Variants in DNAH17 observed in about 807,000 individuals in gnomAD.
DNAH17 encodes the protein axonemal beta dynein heavy chain 17.
Under a neutral mutation model 485.6 loss-of-function variants are expected in DNAH17, and 376 were observed. That is an observed-to-expected ratio of 0.77 (90% confidence interval 0.71 to 0.84). The LOEUF (loss-of-function observed/expected upper bound fraction) is 0.84. Ranked by LOEUF, DNAH17 falls within the 40% of genes least tolerant of loss-of-function variation. The probability of loss-of-function intolerance (pLI) is 0.00; values close to 1 mark genes in which losing one functional copy is unlikely to be tolerated. For synonymous variants in DNAH17, 3,031 were observed against 2,405.9 expected, an observed-to-expected ratio of 1.26 and a Z score of -7.60; for missense variants, 6,370 against 5,839.3, an observed-to-expected ratio of 1.09 and a Z score of -2.96.
chr17:78,511,343 G>A lies in DNAH17; in HGVS notation c.4114-837C>T, dbSNP rs2090631312. On this transcript the variant is annotated intron_variant, in intron 26 of 80. Coordinates refer to ENST00000389840, the MANE Select transcript of DNAH17 (RefSeq NM_173628.4). ...GGCTGGTCTCAAACTCCTGAACTCA[G>A]ATGATCCGCCTGCCTCAGCCTCCCA... 2.0e-5 allele frequency among the ~76,000 whole-genome samples: 3 copies of A among 152,226 alleles called. No individual in the cohort carries two copies. In the South Asian group the frequency reaches 6.2e-4, roughly 32 times the overall value.
chr17:78,537,327 C>A lies in DNAH17; in HGVS notation c.2831G>T (p.Arg944Leu), dbSNP rs373189678. 90 of 1,585,144 alleles carry A rather than the reference C, an allele frequency of 5.7e-5. No homozygotes were observed. Among genetic ancestry groups the A allele is most frequent in the Non-Finnish European group, 7.5e-5 (88 of 1,165,942 alleles). Residue 944 changes from arginine (R) to leucine (L), a missense_variant, in exon 19 of 81, where the codon CGG (arginine) becomes CTG (leucine). Coordinates refer to ENST00000389840, the MANE Select transcript of DNAH17 (RefSeq NM_173628.4). ...GTAGTTCATCCTGTCCTTGGCCAGC[C>A]GAGGGATGAGCCTGGCTACGTTGTA... Reference protein sequence around the residue: ...DIYNVARLIPRLAKDRMNYKM... With the variant: ...DIYNVARLIPLLAKDRMNYKM...
At position 78,459,098 on chromosome 17, in the gene DNAH17, T is replaced by G. The variant is rs2087956678; in HGVS notation, c.9764A>C (p.Tyr3255Ser). ...CTGCCTCTTGGGCGCCACGTCGCAG[T>G]AGACCTCGTAGAAGCGGACGATGTT... Reference protein sequence around the residue: ...CINIVRFYEVYCDVAPKRQAL... With the variant: ...CINIVRFYEVSCDVAPKRQAL... The change falls in exon 61 of 81, where the codon TAC becomes TCC. Residue 3255 changes from tyrosine (Y) to serine (S), a missense_variant. By Grantham distance (144) the Tyr-to-Ser change is moderately radical. Transcript: ENST00000389840. 1 of 1,613,886 alleles carries G rather than the reference T, an allele frequency of 6.2e-7. No individual in the cohort carries two copies. Among genetic ancestry groups the G allele is most frequent in the African/African-American group, 1.3e-5 (1 of 74,930 alleles).
intron 56 of DNAH17, among the ~76,000 whole-genome samples, chr17:78,463,804 C>A (rs572551012): frequency 6.6e-6 from 1 of 152,218 alleles, no homozygotes; most frequent in South Asian, 2.1e-4. Context: ...ATTGTCTCAG[C>A]AATGTTAATT....
chr17:78,568,585 C>T (rs971408358), intron 9 of DNAH17, among the ~76,000 whole-genome samples: 2 of 152,160 alleles, frequency 1.3e-5, no homozygotes, highest in Non-Finnish European at 2.9e-5. Context: ...CAGAGAAAAC[C>T]GCCTTGAAGC....
At position 78,455,744 on chromosome 17, in the gene DNAH17, A is replaced by T. The variant is rs1358114205; in HGVS notation, c.10070T>A (p.Leu3357Gln). 6.2e-7 allele frequency: 1 copy of T among 1,612,946 alleles called. No individual in the cohort carries two copies. Among genetic ancestry groups the T allele is most frequent in the African/African-American group, 1.3e-5 (1 of 74,900 alleles). ...SQGVTLCGDV[L>Q]LISAFVSYVG... ...GTAGGACACGAAGGCAGAGATGAGC[A>T]GGACGTCCCCACACAGCGTGACCCC... Residue 3357 changes from leucine to glutamine, a missense_variant, in exon 63 of 81, where the codon CTG becomes CAG. By Grantham distance (113) the Leu-to-Gln change is moderately radical. Coordinates refer to ENST00000389840, the MANE Select transcript of DNAH17 (RefSeq NM_173628.4).
In DNAH17 at chr17:78,543,872, G is replaced by A. The variant is rs147652188; in HGVS notation, c.2517C>T (p.Ile839=). The change falls in exon 17 of 81, where the codon ATC becomes ATT. Residue 839 remains isoleucine, a synonymous_variant. Transcript: ENST00000389840. ...GTTTCCTTACTGCAACCATGGCTTG[G>A]ATCTTCACTCCAGCATCCCTGACTG... ...YAAVRDAGVK[I]QAMVAENAEL... is the part of the protein sequence containing the mutation. The A allele has an allele frequency of 8.7e-5, 140 of 1,614,026 alleles. 1 individual carries two copies. In the African/African-American group the frequency reaches 1.7e-3, roughly 19 times the overall value.
chr17:78,459,743 T>G, intron 60 of DNAH17, 41 bp downstream of exon 60: 1 of 1,609,328 alleles, frequency 6.2e-7, no homozygotes, highest in African/African-American at 1.3e-5. Context: ...TGATGGAGAA[T>G]CGGAGGGAAG....
At chr17:78,494,522 C>T (rs2089993951) in intron 40 of DNAH17, 71 bp downstream of exon 40, 2 of 1,509,452 alleles carry the variant, frequency 1.3e-6, no homozygotes, top group Middle Eastern at 1.7e-4. Flanking sequence ...TCCACCCGTC[C>T]AACATCAGTG....
intron 2 of DNAH17, 136 bp downstream of exon 2, chr17:78,574,577 G>A (rs529933688): frequency 6.0e-5 from 44 of 728,422 alleles, no homozygotes; most frequent in African/African-American, 3.2e-4. Context: ...GGGCCCGAGC[G>A]CCTGCATTTC....
At position 78,445,370 on chromosome 17, in the gene DNAH17, G is replaced by A. The variant is rs907620150; in HGVS notation, c.11334+188C>T. 3.9e-5 allele frequency among the ~76,000 whole-genome samples: 6 copies of A among 152,276 alleles called. No individual in the cohort carries two copies. The East Asian group carries it at 7.7e-4, about 20-fold the overall frequency. On this transcript the variant is annotated intron_variant, in intron 70 of 80. Coordinates refer to ENST00000389840, the MANE Select transcript of DNAH17 (RefSeq NM_173628.4). ...CACATGTCACATTCCCTATAGGAACGCAGAGCTATCTGTGAGCTGGCAGCC... is the reference window on the plus strand; with the variant it reads ...CACATGTCACATTCCCTATAGGAACACAGAGCTATCTGTGAGCTGGCAGCC...
intron 63 of DNAH17, 28 bp from the exon 64 acceptor site, chr17:78,454,733 G>A (rs753897544): frequency 3.8e-6 from 6 of 1,579,050 alleles, no homozygotes; most frequent in East Asian, 2.2e-5. Context: ...CTTTCTTAGA[G>A]GGGGTAATGC....
At chr17:78,428,478 A>G in intron 77 of DNAH17, 47 bp downstream of exon 77, 2 of 1,552,822 alleles carry the variant, frequency 1.3e-6, no homozygotes, top group Non-Finnish European at 1.7e-6. Flanking sequence ...CCTCAGTTCT[A>G]GATCCTCCCC....
intron 71 of DNAH17, among the ~76,000 whole-genome samples, chr17:78,443,481 G>A (rs551188412): frequency 9.2e-5 from 14 of 152,304 alleles, no homozygotes; most frequent in African/African-American, 3.4e-4. Context: ...TCCTATCGGA[G>A]GAAAACAAGG....
Position 78,455,491 on chromosome 17 carries a change from AT to A in DNAH17, c.10170+152del, listed in dbSNP as rs931320454. On this transcript the variant is annotated intron_variant, in intron 63 of 80. Coordinates refer to ENST00000389840, the MANE Select transcript of DNAH17 (RefSeq NM_173628.4). ...AGGCGCCCCCCACCAAGCCTGGCTA[AT>A]TTTTTTTTAAATTTAATAGAGATGG... Among the ~76,000 whole-genome samples, 166 of 149,936 alleles carry A rather than the reference AT, an allele frequency of 1.1e-3. 1 individual carries two copies. The highest frequency in any genetic ancestry group is 2.1e-3 in the Non-Finnish European group (141 of 67,282).
At chr17:78,507,100 G>A (rs913128199) in intron 29 of DNAH17, among the ~76,000 whole-genome samples, 178 bp downstream of exon 29, 1 of 152,218 alleles carries the variant, frequency 6.6e-6, no homozygotes, top group Non-Finnish European at 1.5e-5. Flanking sequence ...AAGGCATCAC[G>A]TGGTGGGATG....
At chr17:78,480,007 C>T (rs2089276893) in intron 49 of DNAH17, among the ~76,000 whole-genome samples, 1 of 111,172 alleles carries the variant, frequency 9.0e-6, no homozygotes, top group Admixed American at 1.1e-4. Context: ...AGATAAACAA[C>T]AAGTACTTTT....
intron 56 of DNAH17, among the ~76,000 whole-genome samples, chr17:78,466,252 C>A (rs573885392): frequency 6.6e-6 from 1 of 152,216 alleles, no homozygotes; most frequent in East Asian, 1.9e-4. Flanking sequence ...TAAGAGTCAT[C>A]ACCACTCCCT....
intron 33 of DNAH17, chr17:78,502,310 CATTTTT>C: frequency 5.8e-6 from 2 of 347,634 alleles, no homozygotes; most frequent in Non-Finnish European, 1.0e-5. Flanking sequence ...TAACCAAGGA[CATTTTT>C]TTTTTAAAGA....
At chr17:78,532,873 TC>T in intron 19 of DNAH17, 137 bp from the exon 20 acceptor site, 1 of 1,100,956 alleles carries the variant, frequency 9.1e-7, no homozygotes, top group Non-Finnish European at 1.3e-6. Flanking sequence ...CTGCTCTTTT[TC>T]CAGCCTGGGC....
Sources: gnomAD v4.1 joint callset for allele counts (sites outside exome capture counted in the v4.1 genomes callset) on GRCh38, gnomAD v4.1.1 for gene constraint, MANE v1.5 for transcripts, NCBI Gene and HGNC (gene_info 2026-07-23, HGNC 2026-07-21) for gene names.